The following POC1B variants were observed in gnomAD, a reference collection of about 807,000 sequenced individuals.
POC1B encodes POC1 centriolar protein B.
In POC1B, 44 loss-of-function variants were observed where a neutral mutation model predicts 60.6. That is an observed-to-expected ratio of 0.73 (90% CI 0.57 to 0.93). The LOEUF (loss-of-function observed/expected upper bound fraction) is 0.93. POC1B is among the 40% of genes least tolerant of loss of function. POC1B has a pLI of 0.00. For missense variants in POC1B, 555 were observed against 572.3 expected, an observed-to-expected ratio of 0.97 and a Z score of 0.31; for synonymous variants, 180 against 198.9, an observed-to-expected ratio of 0.90 and a Z score of 0.80.
the POC1B span, among the ~76,000 whole-genome samples, chr12:89,412,592 G>T: frequency 2.0e-4 from 30 of 151,076 alleles, no homozygotes; most frequent in Admixed American, 2.0e-3. Flanking sequence ...AGAAGAATCC[G>T]CTTGAACCCG....
At chr12:89,491,032 A>G (rs1868938413) in intron 4 of POC1B, among the ~76,000 whole-genome samples, 2 of 151,986 alleles carry the variant, frequency 1.3e-5, no homozygotes, top group African/African-American at 4.8e-5. Context: ...GGTCAAAGAG[A>G]GGAGGGCACT....
chr12:89,501,042 A>G (rs2135747129), intron 2 of POC1B: 2 of 1,059,218 alleles, frequency 1.9e-6, no homozygotes, highest in East Asian at 2.5e-5. Context: ...AAGTTTTGCC[A>G]GTAGATCTTG....
At chr12:89,410,542 T>C in the POC1B span, among the ~76,000 whole-genome samples, 1 of 152,094 alleles carries the variant, frequency 6.6e-6, no homozygotes, top group African/African-American at 2.4e-5. Flanking sequence ...TAGCCGGGCA[T>C]GGTGGCGGGC....
In POC1B at chr12:89,472,190, T is replaced by G. The variant is rs1329627287; in HGVS notation, c.538A>C (p.Asn180His). 4 of 1,595,640 alleles carry G rather than the reference T, an allele frequency of 2.5e-6. No homozygotes were observed. The South Asian group carries it at 4.4e-5, about 18-fold the overall frequency. Residue 180 changes from asparagine (N) to histidine (H), a missense_variant, in exon 5 of 12, where the codon AAT (asparagine) becomes CAT (histidine). Coordinates refer to ENST00000313546, the MANE Select transcript of POC1B (RefSeq NM_172240.3). ...TACCCAACGGAATCTGAGAAGTTAT[T>G]AACACATTGCTTATTTGTGGTATCC... ...IWDTTNKQCV[N>H]NFSDSVGFAN...
chr12:89,514,667 C>T (rs920891583), intron 2 of POC1B, among the ~76,000 whole-genome samples: 3 of 152,052 alleles, frequency 2.0e-5, no homozygotes, highest in African/African-American at 7.2e-5. Context: ...CTCAGCCTCC[C>T]AAAGTGCTGG....
the POC1B span, among the ~76,000 whole-genome samples, chr12:89,414,161 G>A: frequency 2.0e-5 from 3 of 152,180 alleles, no homozygotes; most frequent in Admixed American, 6.5e-5. Context: ...CCAAAGTGCT[G>A]AGCTTACAGG....
At chr12:89,450,104 A>T (rs1321110770) in intron 10 of POC1B, among the ~76,000 whole-genome samples, 1 of 152,248 alleles carries the variant, frequency 6.6e-6, no homozygotes, top group Non-Finnish European at 1.5e-5. Context: ...AAATAGTTTT[A>T]AAAAAGGTAA....
At chr12:89,502,175 A>C in intron 2 of POC1B, 1 of 1,143,460 alleles carries the variant, frequency 8.7e-7, no homozygotes, top group Non-Finnish European at 1.3e-6. Flanking sequence ...AGGCTCAATA[A>C]TAATTATTTA....
intron 10 of POC1B, among the ~76,000 whole-genome samples, chr12:89,446,727 A>G (rs375885041): frequency 1.3e-5 from 2 of 152,138 alleles, no homozygotes; most frequent in Non-Finnish European, 2.9e-5. Flanking sequence ...AATTAAAAAA[A>G]AAAAAGAAAA....
chr12:89,444,720 A>G (rs1470868529), intron 10 of POC1B, among the ~76,000 whole-genome samples: 2 of 152,074 alleles, frequency 1.3e-5, no homozygotes, highest in African/African-American at 4.8e-5. Flanking sequence ...CTCTCTCACC[A>G]CTCCAATTGA....
chr12:89,459,806 A>T (rs1238193974), intron 9 of POC1B, 88 bp from the exon 10 acceptor site: 4 of 704,370 alleles, frequency 5.7e-6, no homozygotes, highest in Non-Finnish European at 8.8e-6. Context: ...GCATTTTCTA[A>T]TATATTCTAA....
At chr12:89,430,242 G>GA (rs566724611) in intron 10 of POC1B, among the ~76,000 whole-genome samples, 2 of 152,138 alleles carry the variant, frequency 1.3e-5, no homozygotes, top group Non-Finnish European at 2.9e-5. Context: ...AAAGAACTAC[G>GA]AAAGTCCTGA....
chr12:89,463,941 C>A (rs1882575474), intron 9 of POC1B, among the ~76,000 whole-genome samples: 1 of 152,154 alleles, frequency 6.6e-6, no homozygotes, highest in African/African-American at 2.4e-5. Flanking sequence ...AAAGGCCAAA[C>A]TATTTTACTC....
intron 6 of POC1B, among the ~76,000 whole-genome samples, chr12:89,470,839 T>C (rs559994504): frequency 1.3e-5 from 2 of 152,266 alleles, no homozygotes; most frequent in South Asian, 4.1e-4. Flanking sequence ...AACTAATTAG[T>C]GGCTTGGGAT....
intron 10 of POC1B, among the ~76,000 whole-genome samples, chr12:89,446,824 A>G (rs893608171): frequency 6.6e-6 from 1 of 152,206 alleles, no homozygotes; most frequent in Non-Finnish European, 1.5e-5. Flanking sequence ...ATAGGTTGTT[A>G]TAGGGAAACA....
At chr12:89,525,026 C>G in intron 2 of POC1B, 94 bp downstream of exon 2, 1 of 1,551,676 alleles carries the variant, frequency 6.4e-7, no homozygotes, top group Middle Eastern at 1.7e-4. Flanking sequence ...AGGCCCTTAG[C>G]CGTTCTCCTA....
Position 89,525,995 on chromosome 12 carries a change from G to A in POC1B, c.-100C>T, listed in dbSNP as rs533338960. 6.5e-6 allele frequency: 10 copies of A among 1,542,888 alleles called. No individual in the cohort carries two copies. The highest frequency in any genetic ancestry group is 4.1e-5 in the African/African-American group (3 of 73,024). On this transcript the variant is annotated 5_prime_UTR_variant, in exon 1 of 12. It adds an upstream start codon to the 5' untranslated region. Transcript: ENST00000313546. ...AGGGGACCGTGCGGCTCCCGGAACC[G>A]TCTGCCCAGAGCGGCAGCGCCTCCC...
chr12:89,415,182 T>C (rs1157529261), downstream of POC1B, among the ~76,000 whole-genome samples: 1 of 152,238 alleles, frequency 6.6e-6, no homozygotes, highest in African/African-American at 2.4e-5. Flanking sequence ...ATTTCTTTTA[T>C]ATAATCATTC....
intron 1 of POC1B, 95 bp downstream of exon 1, chr12:89,525,786 T>C: frequency 7.2e-7 from 1 of 1,380,330 alleles, no homozygotes; most frequent in Middle Eastern, 2.7e-4. Context: ...CCTGCCTCCA[T>C]CTCCCTCCAG....
Sources: allele counts gnomAD v4.1 joint callset (sites outside exome capture counted in the v4.1 genomes callset), GRCh38; gene constraint gnomAD v4.1.1; transcripts MANE v1.5; gene names NCBI Gene and HGNC (gene_info 2026-07-23, HGNC 2026-07-21).